The following TRNT1 variants were observed in gnomAD, a reference collection of about 807,000 sequenced individuals.
TRNT1 encodes tRNA nucleotidyl transferase 1.
A neutral mutation model predicts 45.6 loss-of-function variants in TRNT1; 44 were observed. The ratio of observed to expected loss-of-function variants is 0.97; its 90% CI spans 0.76 to 1.24. The LOEUF (loss-of-function observed/expected upper bound fraction) is 1.24. TRNT1 is among the 50% of genes most tolerant of loss of function. TRNT1 has a pLI of 0.00. For synonymous variants in TRNT1, 201 were observed against 171.4 expected (o/e 1.17, Z -1.35); for missense variants, 633 against 504.4 (o/e 1.25, Z -2.44).
intron 2 of TRNT1, chr3:3,131,310 A>G (rs1254158182): frequency 6.6e-6 from 1 of 152,116 alleles, no homozygotes; most frequent in Non-Finnish European, 1.5e-5. Context: ...TTCAACTTCA[A>G]TTGCAAGAGG....
intron 3 of TRNT1, among the ~76,000 whole-genome samples, chr3:3,138,691 G>A (rs1705469200): frequency 6.6e-6 from 1 of 152,140 alleles, no homozygotes. Flanking sequence ...CCCAGTCATT[G>A]TATAATACTG....
intron 3 of TRNT1, among the ~76,000 whole-genome samples, chr3:3,138,278 G>A (rs1705446906): frequency 6.6e-6 from 1 of 152,116 alleles, no homozygotes; most frequent in Non-Finnish European, 1.5e-5. Flanking sequence ...GATAGTTACG[G>A]TTATAGAATT....
downstream of TRNT1, chr3:3,152,729 A>ATCTT: frequency 3.9e-6 from 4 of 1,015,426 alleles, no homozygotes; most frequent in Non-Finnish European, 6.0e-6. Flanking sequence ...TAATACCAGG[A>ATCTT]TCTTAGTATG....
downstream of TRNT1, chr3:3,150,600 A>T: frequency 2.6e-6 from 1 of 379,358 alleles, no homozygotes; most frequent in East Asian, 5.5e-5. Flanking sequence ...GCTACCAGAC[A>T]TATCAGATTC....
chr3:3,136,146 T>C (rs1705314254), intron 2 of TRNT1, among the ~76,000 whole-genome samples: 1 of 152,164 alleles, frequency 6.6e-6, no homozygotes, highest in African/African-American at 2.4e-5. Context: ...ACAGTGTTCA[T>C]GTTTCGTGTA....
rs1351604568 is a variant in TRNT1 at position 3,147,663 on chromosome 3, G to T, written c.1016G>T (p.Ser339Ile). Residue 339 changes from serine (S) to isoleucine (I), a missense_variant, in exon 7 of 8, where the codon AGT (serine) becomes ATT (isoleucine). Transcript: ENST00000251607. ...NRKDLIKATD[S>I]SDPLKPYQDF... Reference sequence around the variant, plus strand: ...AAAGATTTAATTAAAGCAACAGATAGTTCAGACCCATTGAAACCCTATCAA... The same window carrying T: ...AAAGATTTAATTAAAGCAACAGATATTTCAGACCCATTGAAACCCTATCAA... The T allele has an allele frequency of 6.2e-7, 1 of 1,613,380 alleles. No homozygotes were observed. The highest frequency in any genetic ancestry group is 1.7e-5 in the Admixed American group (1 of 59,948).
chr3:3,127,918 A>G (rs1207975209), intron 1 of TRNT1: 3 of 152,194 alleles, frequency 2.0e-5, no homozygotes, highest in African/African-American at 7.2e-5. Flanking sequence ...ATAAACTAGG[A>G]AAGAAAGGAG....
chr3:3,153,140 A>G (rs1017978241), downstream of TRNT1: 3 of 375,990 alleles, frequency 8.0e-6, no homozygotes, highest in African/African-American at 6.2e-5. Flanking sequence ...CTAATTGAAG[A>G]CAGTCTAATA....
rs182842902 is a variant in TRNT1, at chr3:3,138,991, G to A, written c.343-1519G>A. 1.8e-3 allele frequency among the ~76,000 whole-genome samples: 280 copies of A among 152,286 alleles called. 2 individuals are homozygous for A. Among genetic ancestry groups the A allele is most frequent in the Admixed American group, 5.8e-3 (88 of 15,298 alleles). ...TAGGAGTTTTCATTAGGAGAAATCA[G>A]AGAAGAATACTCCAGTATTATGCCA... On this transcript the variant is annotated intron_variant, in intron 3 of 7. Transcript: ENST00000251607.
rs116700675 is a variant in TRNT1, at chr3:3,146,602, C to A, written c.781C>A (p.Leu261Ile). The A allele has an allele frequency of 1.6e-5, 26 of 1,612,046 alleles. No homozygotes were observed. In the Admixed American group the frequency reaches 4.0e-4, roughly 25 times the overall value. ...TCATTTGATTCACCTTATCTATGAT[C>A]TTGATGTGGCTCCTTATATAGGTGA... ...VNHLIHLIYDLDVAPYIGLPA... is the reference protein window; with the variant it reads ...VNHLIHLIYDIDVAPYIGLPA... Residue 261 changes from leucine to isoleucine, a missense_variant, in exon 6 of 8, where the codon CTT (leucine) becomes ATT (isoleucine). By Grantham distance (5) the Leu-to-Ile change is conservative. Transcript: ENST00000251607.
intron 1 of TRNT1, chr3:3,127,723 G>C (rs144262213): frequency 1.3e-5 from 2 of 152,420 alleles, no homozygotes; most frequent in Non-Finnish European, 2.9e-5. Context: ...ACAAGTTTTG[G>C]AGACCAGAAA....
At chr3:3,150,006 A>C (rs1160382187), downstream of TRNT1, 1 of 152,176 alleles carries the variant, frequency 6.6e-6, no homozygotes, top group Admixed American at 6.5e-5. Flanking sequence ...TGAACAAAGA[A>C]CATGTTTAGT....
chr3:3,152,576 C>T (rs779192839), downstream of TRNT1: 11 of 1,613,894 alleles, frequency 6.8e-6, no homozygotes, highest in Admixed American at 1.3e-4. Flanking sequence ...CATCGGCCCA[C>T]ATAAGGATAA....
rs955065025 is a variant in TRNT1, at chr3:3,148,706, C to T, written c.*552C>T. 1 of 152,204 alleles carries T rather than the reference C, an allele frequency of 6.6e-6. No homozygotes were observed. The highest frequency in any genetic ancestry group is 2.4e-5 in the African/African-American group (1 of 41,420). The allele number at this position is 152,204 out of a possible 1,614,324, so 9.4% of individuals were successfully genotyped here. On this transcript the variant is annotated 3_prime_UTR_variant, in exon 8 of 8. Coordinates refer to ENST00000251607, the MANE Select transcript of TRNT1 (RefSeq NM_182916.3). ...ACAGGATTTGTTCTAGCAAGCTATG[C>T]TTCAGTATGTGGTTGATATTTTTCT...
rs748073283 is a variant in TRNT1 at position 3,137,447 on chromosome 3, T to A, written c.336T>A (p.Thr112=). ...GAGGAGAAAAGCACGGAACAATTAC[T>A]GCCAGGGTGAGTCAAAAGTTTGACA... ...NNRGEKHGTI[T]ARLHEENFEI... The change falls in exon 3 of 8, where the codon ACT becomes ACA. Residue 112 remains threonine, a synonymous_variant. Transcript: ENST00000251607. The A allele has an allele frequency of 1.3e-6, 2 of 1,598,206 alleles. No homozygotes were observed. The highest frequency in any genetic ancestry group is 1.1e-5 in the South Asian group (1 of 87,496).
In TRNT1 at chr3:3,147,892, A is replaced by AT; in HGVS notation, c.1057-10dup. Reference sequence around the variant, plus strand: ...CATGTGTGACGAAACTAAATGTTTGATTTTGACACGTAGTCTAGGGAACCT... The same window carrying AT: ...CATGTGTGACGAAACTAAATGTTTGATTTTTGACACGTAGTCTAGGGAACCT... On this transcript the variant is annotated splice_polypyrimidine_tract_variant and intron_variant, in intron 7 of 7. Transcript: ENST00000251607. The AT allele has an allele frequency of 1.3e-6, 2 of 1,599,564 alleles. No individual in the cohort carries two copies. The highest frequency in any genetic ancestry group is 1.7e-6 in the Non-Finnish European group (2 of 1,173,148).
At chr3:3,147,827 A>C in intron 7 of TRNT1, 79 bp from the exon 8 acceptor site, 1 of 1,528,910 alleles carries the variant, frequency 6.5e-7, no homozygotes, top group South Asian at 1.3e-5. Context: ...ATTTATGTTG[A>C]GTATTTAAAT....
intron 2 of TRNT1, among the ~76,000 whole-genome samples, chr3:3,132,771 C>G (rs1345087604): frequency 2.0e-5 from 3 of 146,554 alleles, no homozygotes; most frequent in Middle Eastern, 3.4e-3. Flanking sequence ...TGGATTTTCT[C>G]CACCCTGAGA....
At chr3:3,151,304 A>T (rs711626), downstream of TRNT1, among the ~76,000 whole-genome samples, 139,236 of 152,252 alleles carry the variant, frequency 0.91, 64,954 homozygotes, top group East Asian at 1. Flanking sequence ...AGTAATCTTA[A>T]GAATTTCTTT....
Sources: gnomAD v4.1 joint callset for allele counts (sites outside exome capture counted in the v4.1 genomes callset) on GRCh38, gnomAD v4.1.1 for gene constraint, MANE v1.5 for transcripts, NCBI Gene and HGNC (gene_info 2026-07-23, HGNC 2026-07-21) for gene names.